BBS2: variants seen among roughly 807,000 people sequenced by gnomAD.
BBS2 encodes the protein Bardet-Biedl syndrome 2, also known as BBSome complex member BBS2.
A neutral mutation model predicts 83.0 loss-of-function variants in BBS2; 62 were observed. That is an observed-to-expected ratio of 0.75 (90% CI 0.61 to 0.92). The LOEUF (loss-of-function observed/expected upper bound fraction) is 0.92, where lower values mean the gene tolerates loss of function less well. Among genes scored for constraint, BBS2 ranks in the 40% least tolerant of loss-of-function variants. BBS2 has a pLI of 0.00. For synonymous variants in BBS2, 303 were observed against 326.1 expected, an observed-to-expected ratio of 0.93 and a Z score of 0.76; for missense variants, 784 against 901.0, an observed-to-expected ratio of 0.87 and a Z score of 1.66.
chr16:56,503,960 C>T (rs1316871888), intron 7 of BBS2, among the ~76,000 whole-genome samples: 2 of 151,820 alleles, frequency 1.3e-5, no homozygotes, highest in African/African-American at 2.4e-5. Flanking sequence ...GGCAAGGACA[C>T]AGGTATTATC....
intron 17 of BBS2, chr16:56,478,597 C>T (rs372423282): frequency 6.6e-6 from 1 of 152,188 alleles, no homozygotes; most frequent in African/African-American, 2.4e-5. Flanking sequence ...GTGAAACTGT[C>T]ATGTGTGCCA....
At chr16:56,485,488 A>T in intron 16 of BBS2, 102 bp downstream of exon 16, 1 of 1,449,506 alleles carries the variant, frequency 6.9e-7, no homozygotes, top group Non-Finnish European at 9.7e-7. Context: ...AAGGTATGCT[A>T]CTTTCAGCCC....
At chr16:56,511,043 C>A (rs1215976090) in intron 3 of BBS2, 116 bp downstream of exon 3, 1 of 1,566,932 alleles carries the variant, frequency 6.4e-7, no homozygotes, top group Non-Finnish European at 8.8e-7. Context: ...TTATTCATAT[C>A]CTTTTTTAAT....
chr16:56,497,609 C>T, intron 14 of BBS2, 134 bp downstream of exon 14: 1 of 1,215,318 alleles, frequency 8.2e-7, no homozygotes, highest in Non-Finnish European at 1.2e-6. Flanking sequence ...AATACTAGTT[C>T]AATTTTTACT....
At position 56,501,479 on chromosome 16, in the gene BBS2, G is replaced by A. The variant is rs1245174214; in HGVS notation, c.1099C>T (p.Leu367=). The change falls in exon 10 of 17, where the codon CTG becomes TTG. Residue 367 remains leucine, a synonymous_variant. Coordinates refer to ENST00000245157, the MANE Select transcript of BBS2 (RefSeq NM_031885.5). Reference sequence around the variant, plus strand: ...CCCCGATGCCCATCAGCCTCGTTCAGTGGACTGGCCAATTCAGCCTGCAAA... The same window carrying A: ...CCCCGATGCCCATCAGCCTCGTTCAATGGACTGGCCAATTCAGCCTGCAAA... ...ENAKAELASP[L]NEADGHRGII... 5 of 1,614,156 alleles carry A rather than the reference G, an allele frequency of 3.1e-6. No homozygotes were observed. The highest frequency in any genetic ancestry group is 3.3e-5 in the Admixed American group (2 of 60,014).
intron 12 of BBS2, chr16:56,498,906 T>C (rs1964187643): frequency 2.5e-6 from 1 of 397,604 alleles, no homozygotes; most frequent in African/African-American, 2.1e-5. Context: ...ATGATGCTGA[T>C]TCTGTTACAC....
At chr16:56,471,523 T>C (rs1332117229) in intron 17 of BBS2, among the ~76,000 whole-genome samples, 2 of 152,208 alleles carry the variant, frequency 1.3e-5, no homozygotes, top group African/African-American at 2.4e-5. Context: ...CATTAAAAAG[T>C]AGCAACAAAT....
intron 7 of BBS2, among the ~76,000 whole-genome samples, chr16:56,503,569 T>C (rs1023035394): frequency 2.0e-5 from 3 of 152,084 alleles, no homozygotes; most frequent in Non-Finnish European, 2.9e-5. Context: ...AATAAATAAA[T>C]GACTGATCAG....
At chr16:56,477,824 T>C (rs4783941) in intron 17 of BBS2, 104,340 of 152,120 alleles carry the variant, frequency 0.69, 37,639 homozygotes, top group African/African-American at 0.92. Flanking sequence ...ACTTCTTAAC[T>C]ACTCTTCTCT....
At chr16:56,475,491 G>A in intron 17 of BBS2, 1 of 1,613,358 alleles carries the variant, frequency 6.2e-7, no homozygotes, top group Non-Finnish European at 8.5e-7. Flanking sequence ...AATGCTGTTT[G>A]TTTTTCTCTT....
rs1316536565 is a variant in BBS2, at chr16:56,501,473, C to G, written c.1105G>C (p.Glu369Gln). ...AKAELASPLN[E>Q]ADGHRGIIPA... is the part of the protein sequence containing the mutation. Reference sequence around the variant, plus strand: ...ATTATGCCCCGATGCCCATCAGCCTCGTTCAGTGGACTGGCCAATTCAGCC... The same window carrying G: ...ATTATGCCCCGATGCCCATCAGCCTGGTTCAGTGGACTGGCCAATTCAGCC... Residue 369 changes from glutamate to glutamine, a missense_variant, in exon 10 of 17, where the codon GAG (glutamate) becomes CAG (glutamine). By Grantham distance (29) the Glu-to-Gln change is conservative. Transcript: ENST00000245157. 1 of 1,614,122 alleles carries G rather than the reference C, an allele frequency of 6.2e-7. No individual in the cohort carries two copies. Among genetic ancestry groups the G allele is most frequent in the East Asian group, 2.2e-5 (1 of 44,888 alleles).
intron 15 of BBS2, among the ~76,000 whole-genome samples, chr16:56,488,742 T>C (rs1359999537): frequency 6.6e-6 from 1 of 151,336 alleles, no homozygotes; most frequent in Admixed American, 6.6e-5. Context: ...GGGAGAGGGG[T>C]GGGCAGAAAG....
intron 15 of BBS2, 105 bp from the exon 16 acceptor site, chr16:56,485,843 G>T: frequency 2.9e-6 from 3 of 1,044,934 alleles, no homozygotes; most frequent in Admixed American, 2.0e-5. Context: ...CCATTTTTAA[G>T]CTATATTTTC....
At chr16:56,508,000 T>C (rs1387592136) in intron 5 of BBS2, among the ~76,000 whole-genome samples, 1 of 152,086 alleles carries the variant, frequency 6.6e-6, no homozygotes, top group Non-Finnish European at 1.5e-5. Flanking sequence ...ACAGACTCCC[T>C]GTATAAACAC....
chr16:56,475,726 A>C (rs1963439479), intron 17 of BBS2, among the ~76,000 whole-genome samples: 1 of 152,254 alleles, frequency 6.6e-6, no homozygotes, highest in Non-Finnish European at 1.5e-5. Flanking sequence ...GATGGAATAA[A>C]GATGCTAAAG....
downstream of BBS2, among the ~76,000 whole-genome samples, chr16:56,480,406 G>GTATTTTT (rs144741319): frequency 9.8e-5 from 14 of 142,918 alleles, no homozygotes; most frequent in East Asian, 8.1e-4. Flanking sequence ...TCCCAGACCA[G>GTATTTTT]TATTTTTTAT....
chr16:56,503,181 A>T (rs1964326974), intron 7 of BBS2, among the ~76,000 whole-genome samples: 1 of 152,204 alleles, frequency 6.6e-6, no homozygotes, highest in Admixed American at 6.5e-5. Context: ...TACTATCCAC[A>T]GCATCTTGCA....
intron 14 of BBS2, 90 bp downstream of exon 14, chr16:56,497,653 A>G: frequency 1.3e-6 from 2 of 1,560,316 alleles, no homozygotes; most frequent in Non-Finnish European, 1.8e-6. Context: ...AAACATCACT[A>G]TAACATAAGT....
intron 9 of BBS2, 133 bp downstream of exon 9, chr16:56,502,184 C>G (rs1035932344): frequency 2.5e-6 from 3 of 1,189,656 alleles, no homozygotes; most frequent in Non-Finnish European, 1.3e-6. Context: ...CATATATCCC[C>G]TCTCAATTCT....
Sources: gnomAD v4.1 joint callset for allele counts (sites outside exome capture counted in the v4.1 genomes callset) on GRCh38, gnomAD v4.1.1 for gene constraint, MANE v1.5 for transcripts, NCBI Gene and HGNC (gene_info 2026-07-23, HGNC 2026-07-21) for gene names.